The following COL4A2 variants were observed in gnomAD, a reference collection of about 807,000 sequenced individuals.
The protein encoded by COL4A2 is collagen alpha-2(IV) chain.
COL4A2 carries 99 observed loss-of-function variants against 200.2 expected under a neutral mutation model. The observed-to-expected ratio is 0.49, with a 90% CI of 0.42 to 0.58. The LOEUF is 0.58. Among genes scored for constraint, COL4A2 ranks in the 20% least tolerant of loss-of-function variants. The pLI is 0.00. For missense variants in COL4A2, 1,950 were observed against 2,314.1 expected (o/e 0.84, Z 3.23); for synonymous variants, 897 against 900.6 (o/e 1.00, Z 0.07).
chr13:110,423,914 G>T (rs149160304), intron 4 of COL4A2, among the ~76,000 whole-genome samples: 1 of 152,286 alleles, frequency 6.6e-6, no homozygotes, highest in East Asian at 1.9e-4. Context: ...CTCTTTAAAG[G>T]CTGAGTCCTA....
chr13:110,428,749 G>A (rs765099873), intron 7 of COL4A2, among the ~76,000 whole-genome samples, 166 bp downstream of exon 7: 12 of 152,178 alleles, frequency 7.9e-5, no homozygotes, highest in South Asian at 2.1e-4. Context: ...TTCATTTTTC[G>A]TATTCTTTAA....
At chr13:110,355,292 T>TGGG (rs540547054) in intron 3 of COL4A2, among the ~76,000 whole-genome samples, 1 of 137,934 alleles carries the variant, frequency 7.2e-6, no homozygotes, top group African/African-American at 3.3e-5. Flanking sequence ...CCTGTTTGTG[T>TGGG]GGGGAGGGCT....
intron 3 of COL4A2, among the ~76,000 whole-genome samples, chr13:110,317,307 G>T (rs1161473298): frequency 6.6e-6 from 1 of 150,918 alleles, no homozygotes; most frequent in Non-Finnish European, 1.5e-5. Flanking sequence ...CATACACATA[G>T]ATGCAAATAC....
chr13:110,494,094 C>T (rs1177829614), intron 39 of COL4A2, among the ~76,000 whole-genome samples: 1 of 152,178 alleles, frequency 6.6e-6, no homozygotes, highest in East Asian at 1.9e-4. Flanking sequence ...AAACTAACAA[C>T]TTTCATAGCA....
Position 110,508,295 on chromosome 13 carries a change from G to T in COL4A2, c.4881+74G>T. On this transcript the variant is annotated intron_variant, in intron 47 of 47. Transcript: ENST00000360467. This position sits in a 1 kb window ranked among gnomAD's most constrained non-coding sequence, Gnocchi z 6.1. ...ACACAGCAAGAACAGCTGCCTTTGT[G>T]AGAAGAATCAGACACGGCAGTCCAG... 6.3e-7 allele frequency: 1 copy of T among 1,577,840 alleles called. No individual in the cohort carries two copies. The highest frequency in any genetic ancestry group is 1.2e-5 in the South Asian group (1 of 84,584).
Position 110,385,186 on chromosome 13 carries a change from C to T in COL4A2, c.180+27634C>T, listed in dbSNP as rs952446680. Among the ~76,000 whole-genome samples, 39 of 151,902 alleles carry T rather than the reference C, an allele frequency of 2.6e-4. 1 individual carries two copies. The highest frequency in any genetic ancestry group is 1.5e-3 in the South Asian group (7 of 4,806). On this transcript the variant is annotated intron_variant, in intron 4 of 47. Transcript: ENST00000360467. ...CTGAGGCAGAAGAATGGCGTGAATC[C>T]GGGAGGTGGAGCTTGCAGTGAGCCA... is the stretch of plus-strand genomic sequence containing the variant.
At chr13:110,438,102 A>C in intron 14 of COL4A2, 65 bp downstream of exon 14, 1 of 1,405,044 alleles carries the variant, frequency 7.1e-7, no homozygotes, top group South Asian at 1.2e-5. Flanking sequence ...TCTGCCAGGC[A>C]TGACGGGGTG....
At chr13:110,316,325 C>T (rs948605866) in intron 3 of COL4A2, among the ~76,000 whole-genome samples, 12 of 152,222 alleles carry the variant, frequency 7.9e-5, no homozygotes, top group African/African-American at 2.7e-4. Flanking sequence ...GTCAGACACA[C>T]GTGCCCTGGA....
intron 47 of COL4A2, among the ~76,000 whole-genome samples, chr13:110,509,885 C>T (rs1884027944): frequency 6.6e-6 from 1 of 152,186 alleles, no homozygotes; most frequent in African/African-American, 2.4e-5. Flanking sequence ...TCCCCATTGT[C>T]CCTGACAATG....
chr13:110,406,993 G>A (rs9555697), intron 4 of COL4A2, among the ~76,000 whole-genome samples: 4 of 152,180 alleles, frequency 2.6e-5, no homozygotes, highest in Admixed American at 6.5e-5. Flanking sequence ...TGCAAGAGGC[G>A]GCTGGTATCC....
intron 4 of COL4A2, among the ~76,000 whole-genome samples, chr13:110,362,124 C>A (rs116830837): frequency 1.5e-3 from 230 of 152,326 alleles, no homozygotes; most frequent in African/African-American, 5.1e-3. Context: ...AAGAGAGTTT[C>A]CCCTCGTTAT....
At chr13:110,311,531 T>C (rs1011237082) in intron 3 of COL4A2, among the ~76,000 whole-genome samples, 1 of 152,092 alleles carries the variant, frequency 6.6e-6, no homozygotes, top group Admixed American at 6.5e-5. Context: ...GAGGTGTTAC[T>C]CATCCCACCC....
chr13:110,441,869 C>G (rs1259233593), intron 16 of COL4A2, among the ~76,000 whole-genome samples: 1 of 150,696 alleles, frequency 6.6e-6, no homozygotes, highest in African/African-American at 2.4e-5. Context: ...TCATAGAGGT[C>G]AGGAGTTCAA....
intron 26 of COL4A2, among the ~76,000 whole-genome samples, chr13:110,466,287 C>G (rs1034729405): frequency 2.6e-5 from 4 of 152,132 alleles, no homozygotes; most frequent in Non-Finnish European, 5.9e-5. Context: ...GTCAGAAATC[C>G]TTTTTCACTG....
intron 34 of COL4A2, among the ~76,000 whole-genome samples, chr13:110,487,375 C>A (rs772786775): frequency 2.0e-5 from 3 of 152,210 alleles, no homozygotes; most frequent in Non-Finnish European, 4.4e-5. Context: ...ATCGCTGGAA[C>A]CCAGGAGGCG....
intron 3 of COL4A2, among the ~76,000 whole-genome samples, chr13:110,346,212 G>A (rs565162939): frequency 4.6e-5 from 7 of 152,284 alleles, no homozygotes; most frequent in South Asian, 2.1e-4. Context: ...CTTTTGGGGC[G>A]TTGTTTCCTG....
At position 110,432,541 on chromosome 13, in the gene COL4A2, C is replaced by T. The variant is rs545186612; in HGVS notation, c.684+181C>T. ...CTCCAAGGATAGATCCATGGTGCCTCTGGACATTAAAAAAGTAAACAGGTG... is the reference window on the plus strand; with the variant it reads ...CTCCAAGGATAGATCCATGGTGCCTTTGGACATTAAAAAAGTAAACAGGTG... On this transcript the variant is annotated intron_variant, in intron 11 of 47. Coordinates refer to ENST00000360467, the MANE Select transcript of COL4A2 (RefSeq NM_001846.4). 2.4e-4 allele frequency among the ~76,000 whole-genome samples: 36 copies of T among 151,574 alleles called. No homozygotes were observed. The South Asian group carries it at 6.0e-3, about 25-fold the overall frequency.
At chr13:110,368,848 AGGG>A (rs71775039) in intron 4 of COL4A2, among the ~76,000 whole-genome samples, 6,878 of 126,686 alleles carry the variant, frequency 0.054, 455 homozygotes, top group African/African-American at 0.15. Context: ...GCCAAAGAAA[AGGG>A]GGGGGGGGGG....
chr13:110,495,228 A>G (rs1883417202), intron 39 of COL4A2, 114 bp from the exon 40 acceptor site: 3 of 1,256,532 alleles, frequency 2.4e-6, no homozygotes, highest in Non-Finnish European at 3.5e-6. Flanking sequence ...TGAAATCACC[A>G]TGGCTGCCTC....
Sources: allele counts gnomAD v4.1 joint callset (sites outside exome capture counted in the v4.1 genomes callset), GRCh38; gene constraint gnomAD v4.1.1; non-coding constraint Gnocchi (gnomAD v3.1); transcripts MANE v1.5; gene names NCBI Gene and HGNC (gene_info 2026-07-23, HGNC 2026-07-21).